The following KIFC3 variants were observed in gnomAD, a reference collection of about 807,000 sequenced individuals.
KIFC3 encodes the protein kinesin family member C3.
A neutral mutation model predicts 101.8 loss-of-function variants in KIFC3; 60 were observed. The observed-to-expected ratio is 0.59, with a 90% CI of 0.48 to 0.73. The LOEUF (loss-of-function observed/expected upper bound fraction) is 0.73. Among genes scored for constraint, KIFC3 ranks in the 30% least tolerant of loss-of-function variants. The pLI is 0.00. For synonymous variants in KIFC3, 476 were observed against 482.7 expected (o/e 0.99, Z 0.18); for missense variants, 966 against 1,137.1 (o/e 0.85, Z 2.16).
chr16:57,773,458 G>A (rs1457712146), intron 3 of KIFC3, among the ~76,000 whole-genome samples: 1 of 152,220 alleles, frequency 6.6e-6, no homozygotes, highest in Admixed American at 6.5e-5. Flanking sequence ...GCCTAGGCCA[G>A]CCTGAGCAAC....
chr16:57,776,914 A>AGAGTTTTAT (rs1209801474), intron 3 of KIFC3: 1 of 152,258 alleles, frequency 6.6e-6, no homozygotes, highest in Non-Finnish European at 1.5e-5. Context: ...AAGGAAGTCT[A>AGAGTTTTAT]GAGTTTTATG....
chr16:57,822,430 G>A (rs1339058211), intron 1 of KIFC3, among the ~76,000 whole-genome samples: 3 of 152,276 alleles, frequency 2.0e-5, no homozygotes, highest in Admixed American at 6.5e-5. Flanking sequence ...GGCTGGGCGC[G>A]GTGGCTCACA....
At chr16:57,816,378 C>A in intron 1 of KIFC3, 1 of 681,928 alleles carries the variant, frequency 1.5e-6, no homozygotes, top group Non-Finnish European at 2.3e-6. Flanking sequence ...TTGAGGAAGG[C>A]CTCAGAAGAC....
chr16:57,764,620 A>G lies in KIFC3; in HGVS notation c.1513-373T>C, dbSNP rs2050243840. ...GGGCAAAGATAGAACCAGACATGAGAACAGGAGGGCACAGGCCTGGCAGGG... is the reference window on the plus strand; with the variant it reads ...GGGCAAAGATAGAACCAGACATGAGGACAGGAGGGCACAGGCCTGGCAGGG... On this transcript the variant is annotated intron_variant, in intron 11 of 19. Coordinates refer to ENST00000445690, the MANE Select transcript of KIFC3 (RefSeq NM_001130100.2). Among the ~76,000 whole-genome samples, 4 of 152,230 alleles carry G rather than the reference A, an allele frequency of 2.6e-5. No individual in the cohort carries two copies. In the South Asian group the frequency reaches 8.3e-4, roughly 31 times the overall value.
chr16:57,802,867 C>T, upstream of KIFC3: 1 of 1,189,372 alleles, frequency 8.4e-7, no homozygotes, highest in Non-Finnish European at 1.2e-6. The surrounding 1 kb of genome is among the most constrained non-coding windows in gnomAD (Gnocchi z 5.0). Context: ...GAGTGCAAAA[C>T]TTCCACGCGA....
chr16:57,790,289 C>T (rs2053763039), intron 3 of KIFC3, among the ~76,000 whole-genome samples: 1 of 149,408 alleles, frequency 6.7e-6, no homozygotes, highest in East Asian at 2.0e-4. Context: ...GCCATGTTTC[C>T]CAGGCTGGTC....
intron 1 of KIFC3, chr16:57,816,198 C>T (rs2055219794): frequency 7.8e-7 from 1 of 1,280,080 alleles, no homozygotes; most frequent in Non-Finnish European, 1.0e-6. Context: ...TCATCAAGTT[C>T]TCACAACATC....
chr16:57,759,751 A>G lies in KIFC3; in HGVS notation c.2453T>C (p.Ile818Thr), dbSNP rs2049597864. Reference protein sequence around the residue: ...SSGTSSRPGSIRRKLQPSA With the variant: ...SSGTSSRPGSTRRKLQPSA The stretch of plus-strand genomic sequence containing the variant: ...ACCCGAGGGCTGCAGCTTCCTCCGG[A>G]TGGATCCAGGGCGGCTACTGGTCCC... The change falls in exon 18 of 20, where the codon ATC becomes ACC. Residue 818 changes from isoleucine to threonine, a missense_variant. By Grantham distance (89) the Ile-to-Thr change is moderately conservative. Around this residue, in one of 2 missense-constraint regions of KIFC3, gnomAD observed 689 missense variants for 884.6 expected, o/e 0.78. Coordinates refer to ENST00000445690, the MANE Select transcript of KIFC3 (RefSeq NM_001130100.2). 1 of 1,610,594 alleles carries G rather than the reference A, an allele frequency of 6.2e-7. No homozygotes were observed. The highest frequency in any genetic ancestry group is 1.1e-5 in the South Asian group (1 of 90,566).
chr16:57,783,063 G>C (rs1555615694), intron 3 of KIFC3, among the ~76,000 whole-genome samples: 1 of 152,232 alleles, frequency 6.6e-6, no homozygotes, highest in Non-Finnish European at 1.5e-5. Context: ...TCCTAAGAGA[G>C]GCTAGAGAGC....
At chr16:57,842,615 T>G (rs2149314363) in intron 1 of KIFC3, among the ~76,000 whole-genome samples, 1 of 152,322 alleles carries the variant, frequency 6.6e-6, no homozygotes, top group African/African-American at 2.4e-5. Flanking sequence ...ACTTGGGCAT[T>G]GACTCGAAGC....
At chr16:57,775,985 A>G in intron 3 of KIFC3, 1 of 985,462 alleles carries the variant, frequency 1.0e-6, no homozygotes, top group Non-Finnish European at 1.2e-6. Flanking sequence ...CCGGCTTGAC[A>G]CCACCTGCAT....
In KIFC3 at chr16:57,761,416, G is replaced by A; in HGVS notation, c.1869C>T (p.Asn623=). The A allele has an allele frequency of 6.2e-7, 1 of 1,613,980 alleles. No individual in the cohort carries two copies. The highest frequency in any genetic ancestry group is 1.1e-5 in the South Asian group (1 of 91,078). Residue 623 remains asparagine, a synonymous_variant, in exon 14 of 20, where the codon AAC becomes AAT. Coordinates refer to ENST00000445690, the MANE Select transcript of KIFC3 (RefSeq NM_001130100.2). ...EFQVQSVDDI[N]KVFEFGHTNR... ...TCAGGGGCTCCCGCCTCCACACCTT[G>A]TTGATGTCGTCCACGCTCTGCACTT...
intron 1 of KIFC3, among the ~76,000 whole-genome samples, chr16:57,820,736 G>T (rs1202097369): frequency 1.3e-5 from 2 of 152,222 alleles, no homozygotes; most frequent in Non-Finnish European, 2.9e-5. Flanking sequence ...CAAGGACTTT[G>T]TCTTGTTCCC....
At chr16:57,842,520 GAAC>G (rs1220783350) in intron 1 of KIFC3, among the ~76,000 whole-genome samples, 6 of 152,274 alleles carry the variant, frequency 3.9e-5, no homozygotes, top group Admixed American at 2.0e-4. Context: ...TCAACAATGA[GAAC>G]AACAACAGCA....
intron 6 of KIFC3, 57 bp downstream of exon 6, chr16:57,771,141 T>C (rs1246358807): frequency 1.3e-5 from 21 of 1,595,996 alleles, no homozygotes; most frequent in Non-Finnish European, 1.8e-5. Context: ...GGGCTAGCCC[T>C]GCCCCAGGTG....
At chr16:57,775,835 C>T in intron 3 of KIFC3, 1 of 985,622 alleles carries the variant, frequency 1.0e-6, no homozygotes, top group African/African-American at 1.7e-5. Context: ...CAATCCAGGG[C>T]TGAGGACGGA....
chr16:57,759,862 CG>C, intron 17 of KIFC3, 26 bp from the exon 18 acceptor site: 1 of 1,557,408 alleles, frequency 6.4e-7, no homozygotes, highest in South Asian at 1.2e-5. Context: ...GGCGGATGGG[CG>C]GGGGCCACGG....
chr16:57,800,671 G>A (rs745854960), intron 1 of KIFC3, among the ~76,000 whole-genome samples: 5 of 152,204 alleles, frequency 3.3e-5, no homozygotes, highest in Non-Finnish European at 7.3e-5. Flanking sequence ...GGAAGTGGAG[G>A]AGGCAGCCAG....
intron 3 of KIFC3, chr16:57,785,482 G>A: frequency 1.6e-6 from 2 of 1,287,192 alleles, no homozygotes; most frequent in Non-Finnish European, 2.0e-6. Flanking sequence ...GCAGCTGGGT[G>A]GACGTGGCCT....
Sources: gnomAD v4.1 joint callset for allele counts (sites outside exome capture counted in the v4.1 genomes callset) on GRCh38, gnomAD v4.1.1 for gene constraint, gnomAD v4.1.1 regional missense constraint, Gnocchi (gnomAD v3.1) non-coding constraint, MANE v1.5 for transcripts, NCBI Gene and HGNC (gene_info 2026-07-23, HGNC 2026-07-21) for gene names.